Variants in SQOR observed in about 807,000 individuals in gnomAD.
The protein encoded by SQOR is sulfide quinone oxidoreductase, also known as sulfide:quinone oxidoreductase, mitochondrial.
Under a neutral mutation model 48.6 loss-of-function variants are expected in SQOR, and 39 were observed. That is an observed-to-expected ratio of 0.80 (90% confidence interval 0.62 to 1.05). The LOEUF is 1.05. Among genes scored for constraint, SQOR ranks in the 50% least tolerant of loss-of-function variants. The probability of loss-of-function intolerance (pLI) is 0.00; values close to 1 mark genes in which losing one functional copy is unlikely to be tolerated. For missense variants in SQOR, 561 were observed against 559.9 expected (o/e 1.00, Z -0.02); for synonymous variants, 220 against 206.2 (o/e 1.07, Z -0.57).
intron 6 of SQOR, among the ~76,000 whole-genome samples, chr15:45,677,043 A>C (rs1890049414): frequency 6.6e-6 from 1 of 151,578 alleles, no homozygotes; most frequent in African/African-American, 2.4e-5. Flanking sequence ...TCCGTCTAAA[A>C]AAAAAAAAAA....
chr15:45,650,902 G>C (rs1314158735), intron 1 of SQOR, among the ~76,000 whole-genome samples: 1 of 152,192 alleles, frequency 6.6e-6, no homozygotes, highest in Non-Finnish European at 1.5e-5. Context: ...TGAACTAGAC[G>C]TAAAAGTTCT....
chr15:45,633,896 TG>T (rs1894945657), upstream of SQOR, among the ~76,000 whole-genome samples: 1 of 151,238 alleles, frequency 6.6e-6, no homozygotes, highest in African/African-American at 2.4e-5. Flanking sequence ...TATTCAAGGC[TG>T]GGCATGGTGG....
At chr15:45,688,302 C>G in intron 7 of SQOR, 35 bp from the exon 8 acceptor site, 4 of 1,483,796 alleles carry the variant, frequency 2.7e-6, no homozygotes, top group Non-Finnish European at 3.7e-6. Flanking sequence ...AACCTTGATG[C>G]TTACATTTTT....
At chr15:45,643,916 G>A (rs563573281) in intron 1 of SQOR, among the ~76,000 whole-genome samples, 9 of 152,174 alleles carry the variant, frequency 5.9e-5, no homozygotes, top group Non-Finnish European at 1.2e-4. Flanking sequence ...GGAAAGGAAG[G>A]CCACGTGCTG....
At chr15:45,669,879 T>C (rs1301745816) in intron 3 of SQOR, 49 bp from the exon 4 acceptor site, 1 of 1,542,770 alleles carries the variant, frequency 6.5e-7, no homozygotes, top group Non-Finnish European at 9.0e-7. Flanking sequence ...AGTCCTTGAG[T>C]TGATGCTTCT....
intron 7 of SQOR, among the ~76,000 whole-genome samples, chr15:45,684,634 A>G (rs1315735054): frequency 1.3e-5 from 2 of 148,866 alleles, no homozygotes; most frequent in Non-Finnish European, 3.0e-5. Flanking sequence ...TTGTAAAAGT[A>G]CTCTCTCTCT....
At chr15:45,655,269 T>TG (rs969866569) in intron 1 of SQOR, among the ~76,000 whole-genome samples, 12 of 152,204 alleles carry the variant, frequency 7.9e-5, no homozygotes, top group African/African-American at 2.9e-4. Flanking sequence ...CCCTGCCCCA[T>TG]GGGGCGCTTC....
chr15:45,654,049 G>T (rs375409118), intron 1 of SQOR, among the ~76,000 whole-genome samples: 1 of 150,352 alleles, frequency 6.7e-6, no homozygotes, highest in African/African-American at 2.5e-5. Flanking sequence ...TTGAACTCAG[G>T]AAGTGGAAGT....
At chr15:45,668,584 G>C (rs766608438) in intron 3 of SQOR, among the ~76,000 whole-genome samples, 11 of 152,296 alleles carry the variant, frequency 7.2e-5, no homozygotes, top group Non-Finnish European at 1.5e-4. Context: ...TGGCTTTGGG[G>C]CTGAAGCTCC....
intron 5 of SQOR, among the ~76,000 whole-genome samples, chr15:45,675,310 T>G (rs1196224424): frequency 6.6e-6 from 1 of 152,300 alleles, no homozygotes; most frequent in East Asian, 1.9e-4. Context: ...CTCTCTGATC[T>G]TAGGCATTTG....
intron 1 of SQOR, among the ~76,000 whole-genome samples, chr15:45,639,137 G>C (rs1340895717): frequency 1.3e-5 from 2 of 152,172 alleles, no homozygotes; most frequent in African/African-American, 4.8e-5. Context: ...TCCATCACTT[G>C]CTCTTAGGAT....
At chr15:45,664,440 C>G (rs1185238256) in intron 3 of SQOR, among the ~76,000 whole-genome samples, 2 of 152,032 alleles carry the variant, frequency 1.3e-5, no homozygotes, top group Non-Finnish European at 2.9e-5. Flanking sequence ...TATGTGTCCC[C>G]CCCATCCTCA....
intron 6 of SQOR, among the ~76,000 whole-genome samples, chr15:45,681,069 A>G (rs1469159407): frequency 6.6e-6 from 1 of 151,894 alleles, no homozygotes; most frequent in East Asian, 1.9e-4. Flanking sequence ...AACAACAACA[A>G]ACTAGCTGGG....
intron 1 of SQOR, among the ~76,000 whole-genome samples, chr15:45,646,463 A>G (rs2218309): frequency 0.14 from 20,843 of 152,216 alleles, 1,979 homozygotes; most frequent in East Asian, 0.46. Flanking sequence ...AGTGATATCA[A>G]TACTTCCGGT....
At chr15:45,674,004 A>G (rs1889990750) in intron 5 of SQOR, 2 of 588,600 alleles carry the variant, frequency 3.4e-6, no homozygotes, top group African/African-American at 3.7e-5. Context: ...ATAAAGCTGC[A>G]GTTTTCAATT....
In SQOR at chr15:45,659,096, T is replaced by C; in HGVS notation, c.173T>C (p.Met58Thr). ...GGTGGGGGCAGTGGCGGAATCACCA[T>C]GGCTGCCCGCATGAAGAGGAAAGTG... The part of the protein sequence containing the change: ...VLGGGSGGIT[M>T]AARMKRKVGA... The change falls in exon 2 of 10, where the codon ATG becomes ACG. Residue 58 changes from methionine to threonine, a missense_variant. Met to Thr is a moderately conservative substitution (Grantham distance 81). Transcript: ENST00000260324. The C allele has an allele frequency of 1.9e-6, 3 of 1,586,466 alleles. No individual in the cohort carries two copies. Among genetic ancestry groups the C allele is most frequent in the South Asian group, 1.1e-5 (1 of 87,404 alleles).
chr15:45,647,459 T>C (rs1307657595), intron 1 of SQOR, among the ~76,000 whole-genome samples: 1 of 151,328 alleles, frequency 6.6e-6, no homozygotes, highest in African/African-American at 2.4e-5. Flanking sequence ...CCCTAGTAGC[T>C]GGGATTATAG....
chr15:45,636,281 A>G (rs1017130850), intron 1 of SQOR, among the ~76,000 whole-genome samples: 1 of 152,232 alleles, frequency 6.6e-6, no homozygotes, highest in African/African-American at 2.4e-5. Context: ...CAAGGTTATT[A>G]AATAACAAGA....
At chr15:45,655,704 G>A (rs1412847656) in intron 1 of SQOR, among the ~76,000 whole-genome samples, 2 of 133,782 alleles carry the variant, frequency 1.5e-5, no homozygotes, top group East Asian at 4.6e-4. Context: ...TTCTTTTTGA[G>A]ACAGAGTCTC....
Sources: gnomAD v4.1 joint callset for allele counts (sites outside exome capture counted in the v4.1 genomes callset) on GRCh38, gnomAD v4.1.1 for gene constraint, MANE v1.5 for transcripts, NCBI Gene and HGNC (gene_info 2026-07-23, HGNC 2026-07-21) for gene names.